Variants in ADARB2 observed in about 807,000 individuals in gnomAD.
The protein encoded by ADARB2 is adenosine deaminase RNA specific B2 (inactive).
In ADARB2, 25 loss-of-function variants were observed where a neutral mutation model predicts 62.2. The ratio of observed to expected loss-of-function variants is 0.40; its 90% CI spans 0.29 to 0.56. ADARB2 has a LOEUF of 0.56. Ranked by LOEUF, ADARB2 falls within the 20% of genes least tolerant of loss-of-function variation. The pLI is 0.43. For synonymous variants in ADARB2, 572 were observed against 500.8 expected (o/e 1.14, Z -1.90); for missense variants, 1,071 against 1,077.4 (o/e 0.99, Z 0.08).
chr10:1,635,373 G>A (rs774785243), intron 1 of ADARB2, among the ~76,000 whole-genome samples: 8 of 152,240 alleles, frequency 5.3e-5, no homozygotes, highest in African/African-American at 1.7e-4. Context: ...CACGTCCTAT[G>A]TAACTTAGAA....
At chr10:1,246,973 T>A (rs973610227) in intron 4 of ADARB2, among the ~76,000 whole-genome samples, 1 of 152,120 alleles carries the variant, frequency 6.6e-6, no homozygotes, top group Non-Finnish European at 1.5e-5. Flanking sequence ...GAGCATGGAA[T>A]GTTCTTCCAT....
intron 1 of ADARB2, among the ~76,000 whole-genome samples, chr10:1,556,259 G>A (rs1832700033): frequency 1.8e-5 from 1 of 54,578 alleles, no homozygotes; most frequent in African/African-American, 3.8e-5. Context: ...CAAACAAAAA[G>A]TCTTTTTTTT....
intron 1 of ADARB2, among the ~76,000 whole-genome samples, chr10:1,431,750 G>C (rs1830779194): frequency 6.6e-6 from 1 of 152,178 alleles, no homozygotes; most frequent in Non-Finnish European, 1.5e-5. Flanking sequence ...CAAATCTCTG[G>C]TATTAGGAAT....
intron 1 of ADARB2, among the ~76,000 whole-genome samples, chr10:1,665,732 G>A (rs1013315854): frequency 3.3e-5 from 5 of 152,244 alleles, no homozygotes; most frequent in Admixed American, 6.5e-5. Flanking sequence ...GGGTCCGGGG[G>A]AAGGGAGGGG....
At chr10:1,373,810 G>A (rs11250478) in intron 2 of ADARB2, among the ~76,000 whole-genome samples, 15,623 of 35,820 alleles carry the variant, frequency 0.44, 2,703 homozygotes, top group East Asian at 0.63. Context: ...TTCCTAGTGA[G>A]ACCGCGTGGA....
chr10:1,402,263 C>A (rs575267342), intron 1 of ADARB2, among the ~76,000 whole-genome samples: 1 of 152,192 alleles, frequency 6.6e-6, no homozygotes, highest in Non-Finnish European at 1.5e-5. Context: ...TACGCGTGCG[C>A]GCGCCGGTCT....
Position 1,227,672 on chromosome 10 carries a change from G to A in ADARB2, c.1513+6022C>T, listed in dbSNP as rs544041899. 3.3e-5 allele frequency among the ~76,000 whole-genome samples: 5 copies of A among 152,280 alleles called. No individual in the cohort carries two copies. The South Asian group carries it at 1.0e-3, about 32-fold the overall frequency. ...AACAACAAGAGGTTTGTCCCCTGGGGAGCTAAAGATTTATCTAAAAAGCGA... is the reference window on the plus strand; with the variant it reads ...AACAACAAGAGGTTTGTCCCCTGGGAAGCTAAAGATTTATCTAAAAAGCGA... On this transcript the variant is annotated intron_variant, in intron 6 of 9. Transcript: ENST00000381312.
intron 6 of ADARB2, among the ~76,000 whole-genome samples, chr10:1,233,165 G>A (rs888854787): frequency 1.3e-5 from 2 of 152,248 alleles, no homozygotes; most frequent in Middle Eastern, 3.4e-3. Context: ...GAGGACAGAG[G>A]GGCAGGGGCT....
intron 1 of ADARB2, among the ~76,000 whole-genome samples, chr10:1,717,825 G>A (rs981990936): frequency 2.6e-5 from 4 of 152,098 alleles, no homozygotes; most frequent in African/African-American, 9.7e-5. Context: ...TGATCCACCT[G>A]CCTGGGCCTC....
chr10:1,538,926 G>A (rs1312237168), intron 1 of ADARB2, among the ~76,000 whole-genome samples: 6 of 152,202 alleles, frequency 3.9e-5, no homozygotes, highest in Non-Finnish European at 8.8e-5. Context: ...CACCCTCACC[G>A]AGGCCTCTCT....
At chr10:1,733,067 A>G (rs1393231160) in intron 1 of ADARB2, among the ~76,000 whole-genome samples, 3 of 152,204 alleles carry the variant, frequency 2.0e-5, no homozygotes, top group Non-Finnish European at 4.4e-5. Flanking sequence ...TTGCTGTCAA[A>G]TGCCTCAAAG....
intron 1 of ADARB2, among the ~76,000 whole-genome samples, chr10:1,472,873 G>A (rs929985068): frequency 2.0e-5 from 3 of 152,182 alleles, no homozygotes; most frequent in Admixed American, 6.5e-5. Context: ...GCCATCAGGT[G>A]GCTGTCAGGC....
At chr10:1,468,624 A>G (rs1831285852) in intron 1 of ADARB2, among the ~76,000 whole-genome samples, 1 of 152,216 alleles carries the variant, frequency 6.6e-6, no homozygotes, top group African/African-American at 2.4e-5. Context: ...GGTCTGCCAA[A>G]GTCTGGTTTT....
At chr10:1,481,451 T>C (rs891006631) in intron 1 of ADARB2, among the ~76,000 whole-genome samples, 1 of 152,218 alleles carries the variant, frequency 6.6e-6, no homozygotes, top group African/African-American at 2.4e-5. Context: ...AGTAGATAAA[T>C]TCTACTTCAC....
intron 1 of ADARB2, among the ~76,000 whole-genome samples, chr10:1,406,488 C>A (rs544169545): frequency 6.6e-6 from 1 of 152,202 alleles, no homozygotes; most frequent in African/African-American, 2.4e-5. Context: ...CTCCTTTCTT[C>A]TTCATCTCTG....
chr10:1,457,260 A>G (rs1376713622), intron 1 of ADARB2, among the ~76,000 whole-genome samples: 1 of 152,224 alleles, frequency 6.6e-6, no homozygotes, highest in South Asian at 2.1e-4. Context: ...AGGAGTGGTG[A>G]GCATGAGGGC....
At chr10:1,395,226 T>C (rs1432060490) in intron 1 of ADARB2, among the ~76,000 whole-genome samples, 1 of 152,228 alleles carries the variant, frequency 6.6e-6, no homozygotes, top group Non-Finnish European at 1.5e-5. Context: ...CTGAATTCAC[T>C]GCTCAGAGCT....
intron 6 of ADARB2, among the ~76,000 whole-genome samples, chr10:1,219,979 ATGG>A (rs1198634818): frequency 5.7e-4 from 70 of 122,124 alleles, no homozygotes; most frequent in African/African-American, 2.0e-3. Context: ...GATGATGGTG[ATGG>A]TGGTGATGAT....
intron 1 of ADARB2, among the ~76,000 whole-genome samples, chr10:1,414,735 G>A (rs1832787636): frequency 6.6e-6 from 1 of 152,148 alleles, no homozygotes; most frequent in Non-Finnish European, 1.5e-5. Flanking sequence ...TTCTCAAACT[G>A]TCTTTTTCTC....
Sources: allele counts gnomAD v4.1 joint callset (sites outside exome capture counted in the v4.1 genomes callset), GRCh38; gene constraint gnomAD v4.1.1; transcripts MANE v1.5; gene names NCBI Gene and HGNC (gene_info 2026-07-23, HGNC 2026-07-21).